Variants in KLHDC4 observed in about 807,000 individuals in gnomAD.
KLHDC4 encodes kelch domain-containing protein 4.
Under a neutral mutation model 62.4 loss-of-function variants are expected in KLHDC4, and 90 were observed. The observed-to-expected ratio is 1.44, with a 90% CI of 1.22 to 1.72. KLHDC4 has a LOEUF of 1.72. Ranked by LOEUF, KLHDC4 falls within the 40% of genes most tolerant of loss-of-function variation. The pLI, the probability that KLHDC4 is intolerant of heterozygous loss-of-function variation, is 0.00. For missense variants in KLHDC4, 1,025 were observed against 699.7 expected (o/e 1.47, Z -5.25); for synonymous variants, 386 against 284.4 (o/e 1.36, Z -3.59).
chr16:87,733,401 G>A (rs896594368), intron 5 of KLHDC4, among the ~76,000 whole-genome samples: 19 of 152,238 alleles, frequency 1.2e-4, no homozygotes, highest in African/African-American at 4.6e-4. Context: ...TGTGCAGGGC[G>A]CCCAGGCACA....
intron 7 of KLHDC4, 49 bp from the exon 8 acceptor site, chr16:87,714,622 G>T: frequency 6.3e-7 from 1 of 1,597,260 alleles, no homozygotes; most frequent in Non-Finnish European, 8.6e-7. Flanking sequence ...TACAGTGGTT[G>T]CTTACAGACC....
intron 7 of KLHDC4, among the ~76,000 whole-genome samples, chr16:87,721,557 G>C: frequency 6.6e-6 from 1 of 152,042 alleles, no homozygotes; most frequent in Admixed American, 6.5e-5. Flanking sequence ...CCGGTGACCT[G>C]GGAGAGCTGG....
chr16:87,743,824 C>T (rs1340727443), intron 5 of KLHDC4, among the ~76,000 whole-genome samples: 1 of 152,150 alleles, frequency 6.6e-6, no homozygotes, highest in African/African-American at 2.4e-5. Flanking sequence ...GACACTCTTA[C>T]CACCATAGCC....
chr16:87,765,309 T>C (rs761879107), intron 1 of KLHDC4: 9 of 456,210 alleles, frequency 2.0e-5, no homozygotes, highest in South Asian at 1.4e-4. Context: ...TGCTGCTCAC[T>C]GCTCAGGGCT....
chr16:87,714,257 G>A (rs1266759078), intron 8 of KLHDC4: 1 of 420,548 alleles, frequency 2.4e-6, no homozygotes, highest in East Asian at 1.6e-4. Flanking sequence ...CAGGGTAACA[G>A]CGCCCGTGCT....
intron 5 of KLHDC4, 55 bp downstream of exon 5, chr16:87,748,618 C>T (rs960648683): frequency 1.2e-6 from 2 of 1,607,622 alleles, no homozygotes; most frequent in African/African-American, 1.3e-5. Context: ...TCGGGCTCAG[C>T]ACACAAGCAC....
At chr16:87,726,994 G>C (rs2039482822) in intron 6 of KLHDC4, 70 bp from the exon 7 acceptor site, 1 of 1,518,874 alleles carries the variant, frequency 6.6e-7, no homozygotes, top group Non-Finnish European at 9.1e-7. Flanking sequence ...AAACTGAACT[G>C]ATTTAAATTA....
chr16:87,703,384 C>G (rs2034270032), downstream of KLHDC4: 1 of 152,330 alleles, frequency 6.6e-6, no homozygotes, highest in South Asian at 2.1e-4. Flanking sequence ...TCCCCCAGCC[C>G]TGAGTCTCCC....
At chr16:87,752,613 G>A (rs534122567) in intron 4 of KLHDC4, among the ~76,000 whole-genome samples, 142 of 152,192 alleles carry the variant, frequency 9.3e-4, no homozygotes, top group African/African-American at 3.1e-3. Context: ...GGGATTACAG[G>A]CATGAGCCAC....
At chr16:87,714,365 T>A in intron 8 of KLHDC4, 133 bp downstream of exon 8, 2 of 407,390 alleles carry the variant, frequency 4.9e-6, no homozygotes, top group South Asian at 5.1e-5. Flanking sequence ...AAATGAGCCA[T>A]CTCGGCAGGC....
intron 5 of KLHDC4, among the ~76,000 whole-genome samples, chr16:87,738,048 C>T (rs2041639239): frequency 6.6e-6 from 1 of 152,182 alleles, no homozygotes; most frequent in Admixed American, 6.5e-5. Flanking sequence ...TGTCGATAGA[C>T]CCCAGGTTAC....
Position 87,707,927 on chromosome 16 carries a change from G to A in KLHDC4, c.*150C>T, listed in dbSNP as rs148776580. On this transcript the variant is annotated 3_prime_UTR_variant, in exon 12 of 12. Transcript: ENST00000270583. Reference sequence around the variant, plus strand: ...CCGCGTCAGAGACTAAACCATGGGAGAAAGTTCACACCCTGGCCTGGGCCA... The same window carrying A: ...CCGCGTCAGAGACTAAACCATGGGAAAAAGTTCACACCCTGGCCTGGGCCA... 2.1e-3 allele frequency: 987 copies of A among 462,918 alleles called. 7 individuals are homozygous for A. The highest frequency in any genetic ancestry group is 0.018 in the African/African-American group (906 of 50,462). The allele number at this position is 462,918 out of a possible 1,614,324, so 28.7% of individuals were successfully genotyped here.
chr16:87,719,681 A>C (rs992310229), intron 7 of KLHDC4, among the ~76,000 whole-genome samples: 16 of 152,122 alleles, frequency 1.1e-4, no homozygotes, highest in Admixed American at 7.2e-4. Flanking sequence ...AAAAAAAAAA[A>C]ACAAAAAACT....
chr16:87,764,412 G>C (rs1009508875), intron 1 of KLHDC4, among the ~76,000 whole-genome samples: 1 of 152,048 alleles, frequency 6.6e-6, no homozygotes, highest in Non-Finnish European at 1.5e-5. Context: ...CACTTTGGGA[G>C]GCCGAGGCGA....
At chr16:87,760,623 A>AG (rs1412220564) in intron 2 of KLHDC4, among the ~76,000 whole-genome samples, 18 of 150,360 alleles carry the variant, frequency 1.2e-4, no homozygotes, top group Non-Finnish European at 4.4e-5. Context: ...AAAAAAAAAA[A>AG]AAAGTCTCTA....
At chr16:87,713,026 CCTT>C (rs1324766339) in intron 8 of KLHDC4, among the ~76,000 whole-genome samples, 2 of 152,200 alleles carry the variant, frequency 1.3e-5, no homozygotes, top group African/African-American at 4.8e-5. Context: ...GCCATTGTCT[CCTT>C]CTATTTATTT....
At chr16:87,743,876 C>G (rs34401966) in intron 5 of KLHDC4, among the ~76,000 whole-genome samples, 7,746 of 152,254 alleles carry the variant, frequency 0.051, 276 homozygotes, top group East Asian at 0.15. Flanking sequence ...CAAATGGAGA[C>G]ATACACAATG....
intron 3 of KLHDC4, chr16:87,755,936 T>A (rs183492744): frequency 6.1e-6 from 1 of 162,628 alleles, no homozygotes; most frequent in Admixed American, 5.7e-5. Context: ...CCAAGGCCCA[T>A]CCCGGGCTGC....
intron 5 of KLHDC4, among the ~76,000 whole-genome samples, chr16:87,745,954 C>T (rs1424080640): frequency 1.3e-5 from 2 of 152,132 alleles, no homozygotes; most frequent in Non-Finnish European, 2.9e-5. Flanking sequence ...TCCTGCTGAG[C>T]AGTAGAAATA....
Sources: gnomAD v4.1 joint callset for allele counts (sites outside exome capture counted in the v4.1 genomes callset) on GRCh38, gnomAD v4.1.1 for gene constraint, MANE v1.5 for transcripts, NCBI Gene and HGNC (gene_info 2026-07-23, HGNC 2026-07-21) for gene names.